The following EPHA6 variants were observed in gnomAD, a reference collection of about 807,000 sequenced individuals.
The protein encoded by EPHA6 is EPH receptor A6, also known as ephrin type-A receptor 6.
A neutral mutation model predicts 112.0 loss-of-function variants in EPHA6; 50 were observed. The observed-to-expected ratio is 0.45, with a 90% CI of 0.36 to 0.56. The LOEUF (loss-of-function observed/expected upper bound fraction) is 0.56. Among genes scored for constraint, EPHA6 ranks in the 20% least tolerant of loss-of-function variants. EPHA6 has a pLI of 0.00. For synonymous variants in EPHA6, 529 were observed against 490.7 expected, an observed-to-expected ratio of 1.08 and a Z score of -1.03; for missense variants, 1,280 against 1,417.4, an observed-to-expected ratio of 0.90 and a Z score of 1.56.
At chr3:97,018,456 A>T (rs1366280366) in intron 3 of EPHA6, among the ~76,000 whole-genome samples, 1 of 152,164 alleles carries the variant, frequency 6.6e-6, no homozygotes, top group East Asian at 1.9e-4. Context: ...AAGGGGCAGG[A>T]TAAGGAGAGT....
intron 11 of EPHA6, among the ~76,000 whole-genome samples, chr3:97,550,455 T>A (rs1213857466): frequency 2.0e-5 from 3 of 152,206 alleles, no homozygotes; most frequent in Non-Finnish European, 2.9e-5. Context: ...ATTAAAGTGG[T>A]GTCTCTTCGT....
chr3:97,679,043 A>G (rs2031642137), intron 14 of EPHA6, among the ~76,000 whole-genome samples: 1 of 152,008 alleles, frequency 6.6e-6, no homozygotes, highest in Non-Finnish European at 1.5e-5. Flanking sequence ...TCTTGTTTTT[A>G]TGTTCCTGGT....
chr3:97,720,067 T>C (rs1172635639), intron 14 of EPHA6, among the ~76,000 whole-genome samples, 194 bp from the exon 15 acceptor site: 1 of 152,236 alleles, frequency 6.6e-6, no homozygotes, highest in Admixed American at 6.5e-5. Flanking sequence ...CCATTAAAGC[T>C]ATTTTTACTG....
intron 3 of EPHA6, among the ~76,000 whole-genome samples, chr3:96,993,958 ATGATGTATATTTAAAT>A (rs1274753657): frequency 2.0e-5 from 3 of 152,202 alleles, no homozygotes; most frequent in African/African-American, 7.2e-5. Context: ...TATCTACTGA[ATGATGTATATTTAAAT>A]TGATGTATAT....
At chr3:97,178,906 C>T (rs925910937) in intron 3 of EPHA6, among the ~76,000 whole-genome samples, 3 of 152,054 alleles carry the variant, frequency 2.0e-5, no homozygotes, top group African/African-American at 7.2e-5. Flanking sequence ...TGAAAGTTCT[C>T]TGTTATTATT....
At chr3:97,004,435 A>G (rs1436315845) in intron 3 of EPHA6, among the ~76,000 whole-genome samples, 1 of 152,032 alleles carries the variant, frequency 6.6e-6, no homozygotes, top group Non-Finnish European at 1.5e-5. Flanking sequence ...GACCACATAC[A>G]TTTCTTCTTT....
chr3:97,623,912 A>G lies in EPHA6; in HGVS notation c.2574+13058A>G, dbSNP rs148659149. 2.2e-3 allele frequency among the ~76,000 whole-genome samples: 339 copies of G among 151,800 alleles called. 2 individuals carry two copies. The highest frequency in any genetic ancestry group is 7.9e-3 in the African/African-American group (329 of 41,492). ...ACAATATTTTGATTATTGTAGCTTT[A>G]TACTAAGTTTTGAAATCAGGAAATG... On this transcript the variant is annotated intron_variant, in intron 13 of 17. Transcript: ENST00000389672.
At chr3:97,456,672 T>C (rs779653101) in intron 7 of EPHA6, among the ~76,000 whole-genome samples, 27 of 152,270 alleles carry the variant, frequency 1.8e-4, no homozygotes, top group Non-Finnish European at 2.8e-4. Flanking sequence ...GGAGATAATA[T>C]ATGGTCTCTG....
Position 97,291,463 on chromosome 3 carries a change from G to A in EPHA6, c.1606+47176G>A, listed in dbSNP as rs141502519. ...AGAGTGGGTGTTGAGGTCCCCACCTGTTATTGTATTGGAGCCAACTTGATA... is the reference window on the plus strand; with the variant it reads ...AGAGTGGGTGTTGAGGTCCCCACCTATTATTGTATTGGAGCCAACTTGATA... On this transcript the variant is annotated intron_variant, in intron 5 of 17. Transcript: ENST00000389672. 3.9e-5 allele frequency among the ~76,000 whole-genome samples: 6 copies of A among 152,250 alleles called. No homozygotes were observed. The South Asian group carries it at 1.0e-3, about 26-fold the overall frequency.
chr3:96,966,386 T>A (rs1476433702), intron 2 of EPHA6, among the ~76,000 whole-genome samples: 1 of 152,070 alleles, frequency 6.6e-6, no homozygotes, highest in African/African-American at 2.4e-5. Flanking sequence ...CCTAGTGCCA[T>A]AGAGCAGAGT....
At chr3:96,829,963 A>G (rs796156330) in intron 1 of EPHA6, among the ~76,000 whole-genome samples, 2,695 of 151,006 alleles carry the variant, frequency 0.018, 80 homozygotes, top group African/African-American at 0.047. Flanking sequence ...ACACACACAC[A>G]CACACACACA....
In EPHA6 at chr3:97,483,995, A is replaced by G; in HGVS notation, c.2136A>G (p.Ala712=). ...DPDTYEDPSL[A]VHEFAKEIDP... The stretch of plus-strand genomic sequence containing the variant: ...ATACATATGAAGACCCATCCCTAGC[A>G]GTCCATGAATTTGCAAAGGAGATTG... The change falls in exon 10 of 18, where the codon GCA becomes GCG. Residue 712 remains alanine, a synonymous_variant. Coordinates refer to ENST00000389672, the MANE Select transcript of EPHA6 (RefSeq NM_001080448.3). 6.2e-7 allele frequency: 1 copy of G among 1,611,328 alleles called. No homozygotes were observed. Among genetic ancestry groups the G allele is most frequent in the Non-Finnish European group, 8.5e-7 (1 of 1,178,656 alleles).
chr3:96,905,422 G>A (rs2038879216), intron 2 of EPHA6, among the ~76,000 whole-genome samples: 1 of 151,672 alleles, frequency 6.6e-6, no homozygotes, highest in Non-Finnish European at 1.5e-5. Context: ...GTGGCACTTG[G>A]CTTGATCATC....
At chr3:97,616,676 A>G (rs1004154325) in intron 13 of EPHA6, among the ~76,000 whole-genome samples, 5 of 152,186 alleles carry the variant, frequency 3.3e-5, no homozygotes, top group African/African-American at 1.2e-4. Context: ...TAGAGGGAAG[A>G]ATCTCAGAAC....
intron 3 of EPHA6, among the ~76,000 whole-genome samples, chr3:96,994,709 G>GTGTGTA (rs1363786371): frequency 9.1e-5 from 9 of 98,482 alleles, no homozygotes; most frequent in African/African-American, 4.8e-4. Flanking sequence ...GTGTGTGTGT[G>GTGTGTA]TATATATATA....
chr3:97,498,480 G>GA (rs71623571), intron 10 of EPHA6, among the ~76,000 whole-genome samples: 2 of 151,950 alleles, frequency 1.3e-5, no homozygotes, highest in African/African-American at 4.8e-5. Flanking sequence ...TGACTAAGGA[G>GA]AAAAAAATAA....
intron 5 of EPHA6, among the ~76,000 whole-genome samples, chr3:97,336,433 A>G (rs867649589): frequency 6.6e-5 from 10 of 152,140 alleles, no homozygotes; most frequent in African/African-American, 2.4e-4. Flanking sequence ...CATTATGTGG[A>G]GTGTTCTCTA....
intron 2 of EPHA6, among the ~76,000 whole-genome samples, chr3:96,904,407 T>C (rs1000378038): frequency 6.2e-5 from 8 of 129,106 alleles, no homozygotes; most frequent in African/African-American, 2.1e-4. Context: ...AATTGAACAA[T>C]GAGAACACAT....
chr3:97,199,800 A>C (rs796838281), intron 3 of EPHA6, among the ~76,000 whole-genome samples: 1 of 152,208 alleles, frequency 6.6e-6, no homozygotes, highest in African/African-American at 2.4e-5. Flanking sequence ...ATTGTTTACA[A>C]TGTAAGAAAT....
Sources: gnomAD v4.1 joint callset for allele counts (sites outside exome capture counted in the v4.1 genomes callset) on GRCh38, gnomAD v4.1.1 for gene constraint, MANE v1.5 for transcripts, NCBI Gene and HGNC (gene_info 2026-07-23, HGNC 2026-07-21) for gene names.